SNRPA: variants seen among roughly 807,000 people sequenced by gnomAD.
SNRPA encodes the protein U1 small nuclear ribonucleoprotein A.
In SNRPA, 10 loss-of-function variants were observed where a neutral mutation model predicts 24.5. The ratio of observed to expected loss-of-function variants is 0.41; its 90% CI spans 0.25 to 0.69. The LOEUF (loss-of-function observed/expected upper bound fraction) is 0.69. Ranked by LOEUF, SNRPA falls within the 30% of genes least tolerant of loss-of-function variation. The pLI is 0.33. For missense variants in SNRPA, 283 were observed against 394.7 expected, an observed-to-expected ratio of 0.72 and a Z score of 2.40; for synonymous variants, 165 against 148.4, an observed-to-expected ratio of 1.11 and a Z score of -0.81.
chr19:40,751,381 T>C lies in SNRPA; in HGVS notation c.-28T>C. The stretch of plus-strand genomic sequence containing the variant: ...AGGGCTAAAGTCACGTTTTTCCTCC[T>C]TTAAGACTTACCTCAACACTTCACT... On this transcript the variant is annotated 5_prime_UTR_variant, in exon 1 of 6. Transcript: ENST00000243563. 3.2e-6 allele frequency: 5 copies of C among 1,584,938 alleles called. No homozygotes were observed. Among genetic ancestry groups the C allele is most frequent in the Non-Finnish European group, 4.3e-6 (5 of 1,153,488 alleles).
intron 1 of SNRPA, among the ~76,000 whole-genome samples, chr19:40,752,441 T>C (rs1239191490): frequency 6.6e-6 from 1 of 151,612 alleles, no homozygotes; most frequent in Non-Finnish European, 1.5e-5. Flanking sequence ...TATAGAATTC[T>C]GCTTAGGAAC....
chr19:40,753,885 C>T (rs922601683), intron 1 of SNRPA, among the ~76,000 whole-genome samples: 2 of 151,280 alleles, frequency 1.3e-5, no homozygotes, highest in Non-Finnish European at 2.9e-5. Flanking sequence ...CAAGCTCTGC[C>T]TTGCCTCCTG....
intron 2 of SNRPA, among the ~76,000 whole-genome samples, chr19:40,757,867 G>C (rs942102732): frequency 2.6e-5 from 4 of 151,392 alleles, no homozygotes; most frequent in Admixed American, 1.3e-4. Flanking sequence ...GCTTGAACCC[G>C]GGAGGCAGAG....
rs1295439320 is a variant in SNRPA at position 40,764,989 on chromosome 19, G to A, written c.690-19G>A. ...TAGGGGGAAATGCTGAGTCCCTGAG[G>A]TCTGTCGTTCTCTTTCAGGTTCCCT... is the stretch of plus-strand genomic sequence containing the variant. On this transcript the variant is annotated intron_variant, in intron 5 of 5. Coordinates refer to ENST00000243563, the MANE Select transcript of SNRPA (RefSeq NM_004596.5). 2 of 1,540,302 alleles carry A rather than the reference G, an allele frequency of 1.3e-6. No individual in the cohort carries two copies. Among genetic ancestry groups the A allele is most frequent in the Non-Finnish European group, 1.7e-6 (2 of 1,144,888 alleles).
chr19:40,759,761 T>C, intron 3 of SNRPA, 151 bp downstream of exon 3: 3 of 651,068 alleles, frequency 4.6e-6, no homozygotes, highest in Non-Finnish European at 7.5e-6. Flanking sequence ...TCTCTCTCTT[T>C]TGGGGGGTAT....
Position 40,762,933 on chromosome 19 carries a change from T to C in SNRPA, c.459T>C (p.Ile153=). Residue 153 remains isoleucine, a synonymous_variant, in exon 4 of 6, where the codon ATT becomes ATC. Coordinates refer to ENST00000243563, the MANE Select transcript of SNRPA (RefSeq NM_004596.5). ...CGCCGATGACTCAGGCGCCCCGCAT[T>C]ATGCACCACATGCCGGGCCAGCCGC... ...GMPPMTQAPR[I]MHHMPGQPPY... is the part of the protein sequence containing the mutation. 3 of 1,613,848 alleles carry C rather than the reference T, an allele frequency of 1.9e-6. No homozygotes were observed. The highest frequency in any genetic ancestry group is 2.5e-6 in the Non-Finnish European group (3 of 1,179,966).
chr19:40,759,610 G>C lies in SNRPA; in HGVS notation c.426G>C (p.Pro142=), dbSNP rs572892523. ...TGGGGGCTGTCCAGGGGCCTGTCCC[G>C]GTAAGCCAGGTCCCGGAGACCAACC... The part of the protein sequence containing the change: ...PVVGAVQGPV[P]GMPPMTQAPR... The change falls in exon 3 of 6, where the codon CCG becomes CCC. Residue 142 remains proline, a splice_region_variant and synonymous_variant. Coordinates refer to ENST00000243563, the MANE Select transcript of SNRPA (RefSeq NM_004596.5). The C allele has an allele frequency of 3.1e-6, 5 of 1,594,384 alleles. No individual in the cohort carries two copies. The highest frequency in any genetic ancestry group is 4.3e-6 in the Non-Finnish European group (5 of 1,172,224).
intron 3 of SNRPA, among the ~76,000 whole-genome samples, chr19:40,760,361 G>C (rs2082926408): frequency 1.3e-5 from 2 of 152,176 alleles, no homozygotes; most frequent in Admixed American, 6.5e-5. Flanking sequence ...TTGAAAAGTA[G>C]CACTGAGGGG....
chr19:40,752,603 A>G (rs888403672), intron 1 of SNRPA, among the ~76,000 whole-genome samples: 1 of 111,698 alleles, frequency 9.0e-6, no homozygotes, highest in Non-Finnish European at 1.9e-5. Flanking sequence ...AAAAAAAAAA[A>G]GGCTGGGCGT....
At position 40,751,388 on chromosome 19, in the gene SNRPA, C is replaced by T; in HGVS notation, c.-21C>T. 1 of 1,596,246 alleles carries T rather than the reference C, an allele frequency of 6.3e-7. No homozygotes were observed. The highest frequency in any genetic ancestry group is 1.7e-5 in the Admixed American group (1 of 59,990). On this transcript the variant is annotated 5_prime_UTR_variant, in exon 1 of 6. Transcript: ENST00000243563. ...AAGTCACGTTTTTCCTCCTTTAAGA[C>T]TTACCTCAACACTTCACTCCATGGC...
At chr19:40,752,655 A>G (rs183809470) in intron 1 of SNRPA, among the ~76,000 whole-genome samples, 15 of 149,802 alleles carry the variant, frequency 1.0e-4, no homozygotes, top group African/African-American at 3.7e-4. Context: ...GGGAGGCTGA[A>G]GTGGGAGGAT....
intron 4 of SNRPA, 95 bp downstream of exon 4, chr19:40,763,169 T>C: frequency 1.0e-6 from 1 of 972,738 alleles, no homozygotes; most frequent in Non-Finnish European, 1.5e-6. Flanking sequence ...GGTTGGGTGG[T>C]CTGGGCAGGC....
Position 40,751,208 on chromosome 19 carries a change from C to A in SNRPA, c.-201C>A, listed in dbSNP as rs1042470568. 2 of 598,740 alleles carry A rather than the reference C, an allele frequency of 3.3e-6. No homozygotes were observed. Among genetic ancestry groups the A allele is most frequent in the South Asian group, 3.8e-5 (2 of 52,990 alleles). 37.1% of individuals were successfully genotyped at this position (598,740 alleles called of 1,614,324 possible). A position where few individuals can be genotyped will look rare whatever the true frequency, so the allele number is the denominator to read the frequency against. ...TAGTAAATCTCTCGAGAGTTCTCTC[C>A]GCACGCGGGCTGGAGAAGCGGGTCC... On this transcript the variant is annotated 5_prime_UTR_variant, in exon 1 of 6. Transcript: ENST00000243563.
chr19:40,760,159 A>G (rs1483251570), intron 3 of SNRPA, among the ~76,000 whole-genome samples: 2 of 152,042 alleles, frequency 1.3e-5, no homozygotes, highest in African/African-American at 4.8e-5. Context: ...AGCAGCTGGA[A>G]CTGTCAGTCC....
chr19:40,763,488 GA>G (rs1705607114), intron 4 of SNRPA, 98 bp from the exon 5 acceptor site: 4 of 927,132 alleles, frequency 4.3e-6, no homozygotes, highest in Non-Finnish European at 7.2e-6. Context: ...GTACCAGAGT[GA>G]ATTCAAGCAG....
chr19:40,760,135 G>A (rs138926511), intron 3 of SNRPA, among the ~76,000 whole-genome samples: 172 of 152,132 alleles, frequency 1.1e-3, no homozygotes, highest in African/African-American at 4.0e-3. Flanking sequence ...CAAGTGATAC[G>A]CCTCAGCCTC....
At chr19:40,754,828 G>T (rs992425799) in intron 1 of SNRPA, among the ~76,000 whole-genome samples, 2 of 152,090 alleles carry the variant, frequency 1.3e-5, no homozygotes, top group Non-Finnish European at 2.9e-5. Context: ...AGCTGTGGAG[G>T]GTAAATGCGA....
intron 4 of SNRPA, 151 bp downstream of exon 4, chr19:40,763,225 G>A: frequency 1.6e-6 from 1 of 627,648 alleles, no homozygotes; most frequent in Non-Finnish European, 2.8e-6. Context: ...GTGGGGGTGG[G>A]CCCTGGGCAG....
At chr19:40,760,632 T>C (rs1246796975) in intron 3 of SNRPA, among the ~76,000 whole-genome samples, 1 of 152,190 alleles carries the variant, frequency 6.6e-6, no homozygotes, top group African/African-American at 2.4e-5. Context: ...AGGACCTGCA[T>C]GACCAGGGGA....
Sources: allele counts gnomAD v4.1 joint callset (sites outside exome capture counted in the v4.1 genomes callset), GRCh38; gene constraint gnomAD v4.1.1; transcripts MANE v1.5; gene names NCBI Gene and HGNC (gene_info 2026-07-23, HGNC 2026-07-21).